DISC1: variants seen among roughly 807,000 people sequenced by gnomAD.
DISC1 encodes DISC1 scaffold protein, also known as disrupted in schizophrenia 1 protein.
Under a neutral mutation model 84.5 loss-of-function variants are expected in DISC1, and 57 were observed. The observed-to-expected ratio is 0.67, with a 90% CI of 0.55 to 0.84. DISC1 has a LOEUF of 0.84. Among genes scored for constraint, DISC1 ranks in the 40% least tolerant of loss-of-function variants. The pLI is 0.00. For synonymous variants in DISC1, 411 were observed against 415.2 expected (o/e 0.99, Z 0.12); for missense variants, 1,000 against 1,057.8 (o/e 0.95, Z 0.76).
At chr1:231,760,329 T>A (rs1387446590) in intron 4 of DISC1, among the ~76,000 whole-genome samples, 1 of 152,212 alleles carries the variant, frequency 6.6e-6, no homozygotes, top group African/African-American at 2.4e-5. Context: ...TCATTGGTTC[T>A]ATGACTGGCC....
At chr1:231,772,262 G>A (rs547464443) in intron 6 of DISC1, among the ~76,000 whole-genome samples, 2 of 152,174 alleles carry the variant, frequency 1.3e-5, no homozygotes, top group African/African-American at 4.8e-5. Context: ...AATCTTTCTT[G>A]CCCTTCAAGA....
chr1:231,706,763 C>T (rs944562095), intron 3 of DISC1, among the ~76,000 whole-genome samples: 10 of 152,148 alleles, frequency 6.6e-5, no homozygotes, highest in African/African-American at 2.4e-4. Context: ...GTGGCAGAGG[C>T]CAAGCATAAA....
chr1:231,770,594 A>AC (rs1390035275), intron 5 of DISC1, among the ~76,000 whole-genome samples: 5 of 151,842 alleles, frequency 3.3e-5, no homozygotes, highest in Non-Finnish European at 7.4e-5. Flanking sequence ...TTCTTGGCTC[A>AC]CCCCCCATAG....
rs71573149 is a variant in DISC1, at chr1:231,969,186, G to GTT, written c.2042+10322_2042+10323dup. ...CTCCTGATTATCCAAACACTCAGCG[G>GTT]TTTTTTTTTTTTTTTTTTTTTTTTT... On this transcript the variant is annotated intron_variant, in intron 10 of 12. Transcript: ENST00000439617. 6.6e-3 allele frequency among the ~76,000 whole-genome samples: 602 copies of GTT among 91,632 alleles called. 21 individuals carry two copies. Among genetic ancestry groups the GTT allele is most frequent in the African/African-American group, 0.02 (468 of 23,076 alleles). The allele number at this position is 91,632 out of a possible 152,430, so 60.1% of individuals were successfully genotyped here.
chr1:231,923,105 G>A lies in DISC1; in HGVS notation c.1982-35723G>A, dbSNP rs559833640. Among the ~76,000 whole-genome samples, 16 of 151,776 alleles carry A rather than the reference G, an allele frequency of 1.1e-4. No homozygotes were observed. In the South Asian group the frequency reaches 2.3e-3, roughly 22 times the overall value. ...ATCCTGGCTAACATGGTGAAACCCC[G>A]TCTCTACTAAAAACACACACACAAA... On this transcript the variant is annotated intron_variant, in intron 9 of 12. Coordinates refer to ENST00000439617, the MANE Select transcript of DISC1 (RefSeq NM_018662.3).
intron 3 of DISC1, among the ~76,000 whole-genome samples, chr1:231,706,746 AATG>A (rs1245346104): frequency 6.6e-6 from 1 of 152,220 alleles, no homozygotes; most frequent in African/African-American, 2.4e-5. Context: ...TTGAAAGAAA[AATG>A]ATGGTGGCAG....
intron 3 of DISC1, among the ~76,000 whole-genome samples, chr1:231,733,791 A>C (rs1291201076): frequency 1.4e-5 from 1 of 69,568 alleles, no homozygotes; most frequent in African/African-American, 4.7e-5. Flanking sequence ...TGATTGTGGG[A>C]GTGGTGGTGG....
chr1:231,947,865 C>G (rs980088818), intron 9 of DISC1, among the ~76,000 whole-genome samples: 2 of 152,202 alleles, frequency 1.3e-5, no homozygotes, highest in African/African-American at 4.8e-5. Flanking sequence ...AAATGCTCAT[C>G]ATCACTGGTC....
chr1:231,668,561 G>A (rs1412879729), intron 1 of DISC1, among the ~76,000 whole-genome samples: 2 of 152,132 alleles, frequency 1.3e-5, no homozygotes, highest in African/African-American at 4.8e-5. Flanking sequence ...CTGCTAAGGT[G>A]AAAGTCTCAA....
intron 4 of DISC1, among the ~76,000 whole-genome samples, chr1:231,762,264 T>TTCCTA (rs2075794244): frequency 7.1e-6 from 1 of 141,822 alleles, no homozygotes; most frequent in African/African-American, 2.7e-5. Context: ...TTTATTTTCT[T>TTCCTA]TCCTTTCCTT....
At chr1:231,871,670 C>T (rs536521668) in intron 9 of DISC1, among the ~76,000 whole-genome samples, 119 of 152,308 alleles carry the variant, frequency 7.8e-4, no homozygotes, top group Non-Finnish European at 1.5e-3. Context: ...CACCCTAAAT[C>T]GCGGCCTCTC....
intron 10 of DISC1, among the ~76,000 whole-genome samples, chr1:231,998,395 C>A (rs866780156): frequency 1.8e-4 from 27 of 152,100 alleles, no homozygotes; most frequent in Admixed American, 1.8e-3. Flanking sequence ...AAACTTCCGA[C>A]CAATGGGCTT....
chr1:231,880,723 G>A (rs1363318254), intron 9 of DISC1, among the ~76,000 whole-genome samples: 1 of 147,314 alleles, frequency 6.8e-6, no homozygotes. Context: ...CTGGGTTGGA[G>A]TTTTTAAGGG....
intron 4 of DISC1, among the ~76,000 whole-genome samples, chr1:231,765,903 T>C (rs943994817): frequency 3.1e-4 from 47 of 152,128 alleles, no homozygotes; most frequent in Non-Finnish European, 4.7e-4. Flanking sequence ...AGCTCTGGAA[T>C]TTGGCCCTGT....
chr1:231,974,477 G>A (rs2102838092), intron 10 of DISC1, among the ~76,000 whole-genome samples: 1 of 152,302 alleles, frequency 6.6e-6, no homozygotes, highest in East Asian at 1.9e-4. Context: ...GGCAAGAGAT[G>A]TGGTTTCATC....
intron 9 of DISC1, among the ~76,000 whole-genome samples, chr1:231,877,160 A>G (rs199919043): frequency 1.3e-5 from 2 of 152,264 alleles, no homozygotes; most frequent in Non-Finnish European, 2.9e-5. Context: ...TTTCTTATCA[A>G]GAGCTCTGTG....
At chr1:231,869,097 A>G (rs2085276797) in intron 9 of DISC1, among the ~76,000 whole-genome samples, 1 of 152,132 alleles carries the variant, frequency 6.6e-6, no homozygotes, top group Admixed American at 6.5e-5. Flanking sequence ...TCTTGAAGAC[A>G]TTTAGTCTGG....
At chr1:231,928,792 T>G (rs2090492506) in intron 9 of DISC1, among the ~76,000 whole-genome samples, 1 of 152,240 alleles carries the variant, frequency 6.6e-6, no homozygotes, top group Admixed American at 6.5e-5. Context: ...ACTTATTTAT[T>G]CCTGCCTTAA....
At chr1:231,812,573 G>T (rs4658949) in intron 8 of DISC1, among the ~76,000 whole-genome samples, 42,271 of 152,046 alleles carry the variant, frequency 0.28, 6,359 homozygotes, top group Admixed American at 0.35. Flanking sequence ...TAAAATATGT[G>T]GACAAGTGCT....
Sources: allele counts gnomAD v4.1 joint callset (sites outside exome capture counted in the v4.1 genomes callset), GRCh38; gene constraint gnomAD v4.1.1; transcripts MANE v1.5; gene names NCBI Gene and HGNC (gene_info 2026-07-23, HGNC 2026-07-21).